The following WFDC6 variants were observed in gnomAD, a reference collection of about 807,000 sequenced individuals.
The protein encoded by WFDC6 is WAP four-disulfide core domain protein 6.
WFDC6 carries 10 observed loss-of-function variants against 8.2 expected under a neutral mutation model. That is an observed-to-expected ratio of 1.22 (90% CI 0.75 to 2.07). WFDC6 has a LOEUF of 2.07. Among genes scored for constraint, WFDC6 ranks in the 30% most tolerant of loss-of-function variants. WFDC6 has a pLI of 0.00. For synonymous variants in WFDC6, 28 were observed against 37.0 expected (o/e 0.76, Z 0.88); for missense variants, 105 against 104.9 (o/e 1.00, Z 0.00).
intron 2 of WFDC6, chr20:45,535,450 C>A: frequency 1.8e-6 from 2 of 1,129,762 alleles, no homozygotes; most frequent in Middle Eastern, 4.0e-4. Flanking sequence ...TGCCTCAGGG[C>A]TCTGTTCCCA....
At chr20:45,535,482 C>T (rs1467371035) in intron 2 of WFDC6, among the ~76,000 whole-genome samples, 1 of 152,130 alleles carries the variant, frequency 6.6e-6, no homozygotes, top group Admixed American at 6.5e-5. Context: ...ACCCTGACCA[C>T]TCATTTTACC....
rs1223533071 is a variant in WFDC6, at chr20:45,535,940, G to A, written c.223-1435C>T. On this transcript the variant is annotated intron_variant, in intron 2 of 2. Transcript: ENST00000372670. ...AATAGCACTTTCTTACACACCCCGT[G>A]CCTTTGCACATGCCTGACATATCCA... Among the ~76,000 whole-genome samples, 3 of 152,138 alleles carry A rather than the reference G, an allele frequency of 2.0e-5. No individual in the cohort carries two copies. In the East Asian group the frequency reaches 5.8e-4, roughly 29 times the overall value.
In WFDC6 at chr20:45,539,467, C is replaced by CTACATCTGCACT; in HGVS notation, c.-72_-61dup. The CTACATCTGCACT allele has an allele frequency of 6.6e-7, 1 of 1,509,360 alleles. No homozygotes were observed. Among genetic ancestry groups the CTACATCTGCACT allele is most frequent in the Non-Finnish European group, 9.2e-7 (1 of 1,085,878 alleles). The allele number at this position is 1,509,360 out of a possible 1,614,324, so 93.5% of individuals were successfully genotyped here. A position where few individuals can be genotyped will look rare whatever the true frequency, so the allele number is the denominator to read the frequency against. On this transcript the variant is annotated 5_prime_UTR_variant, in exon 1 of 3. It adds an upstream start codon to the 5' untranslated region. Transcript: ENST00000372670. ...ACTAAGAACTGCTCCTCAGCAGCTC[C>CTACATCTGCACT]TACATCTGCACTTTGCCTGCCCCGG... is the stretch of plus-strand genomic sequence containing the variant.
chr20:45,536,624 C>CCAG (rs927340082), intron 2 of WFDC6, among the ~76,000 whole-genome samples: 1 of 152,210 alleles, frequency 6.6e-6, no homozygotes, highest in Non-Finnish European at 1.5e-5. Flanking sequence ...AGATCCCTTA[C>CCAG]CAGCTCTCCT....
chr20:45,539,214 A>AGGTGGAGAAAATAATTTCTCCAG, intron 1 of WFDC6, 103 bp downstream of exon 1: 4 of 1,134,862 alleles, frequency 3.5e-6, no homozygotes, highest in Non-Finnish European at 5.2e-6. Flanking sequence ...AATTCCAGGC[A>AGGTGGAGAAAATAATTTCTCCAG]GAGGTGGAGA....
intron 2 of WFDC6, 103 bp from the exon 3 acceptor site, chr20:45,534,608 C>A: frequency 7.2e-7 from 1 of 1,393,692 alleles, no homozygotes; most frequent in Non-Finnish European, 1.0e-6. Flanking sequence ...ATTTTTACAT[C>A]TTTGGGCAGG....
In WFDC6 at chr20:45,534,229, G is replaced by A. The variant is rs906876251; in HGVS notation, c.*238C>T. The A allele has an allele frequency of 1.7e-6, 1 of 578,506 alleles. No homozygotes were observed. The highest frequency in any genetic ancestry group is 2.1e-5 in the South Asian group (1 of 48,618). The allele number at this position is 578,506 out of a possible 1,614,324, so 35.8% of individuals were successfully genotyped here. On this transcript the variant is annotated 3_prime_UTR_variant, in exon 3 of 3. Coordinates refer to ENST00000372670, the MANE Select transcript of WFDC6 (RefSeq NM_080827.2). ...CACAGAGCACTTTATTAAGGCAACTGAAGCCTTCATACAAATAAATGGGGG... is the reference window on the plus strand; with the variant it reads ...CACAGAGCACTTTATTAAGGCAACTAAAGCCTTCATACAAATAAATGGGGG...
At chr20:45,536,011 T>C (rs2145542048) in intron 2 of WFDC6, among the ~76,000 whole-genome samples, 1 of 152,372 alleles carries the variant, frequency 6.6e-6, no homozygotes, top group South Asian at 2.1e-4. Flanking sequence ...TAAAACCCTT[T>C]CCGGACATTG....
chr20:45,535,191 C>T (rs1979317108), intron 2 of WFDC6: 2 of 1,304,070 alleles, frequency 1.5e-6, no homozygotes, highest in African/African-American at 3.0e-5. Context: ...AGACAGATAG[C>T]TTCAGTTTGG....
At chr20:45,537,679 G>A (rs942900799) in intron 2 of WFDC6, 2 of 1,164,416 alleles carry the variant, frequency 1.7e-6, no homozygotes, top group Non-Finnish European at 2.5e-6. Flanking sequence ...CTGAAGAGTA[G>A]CCAAGAGACC....
chr20:45,535,726 AG>A, intron 2 of WFDC6, among the ~76,000 whole-genome samples: 1 of 152,302 alleles, frequency 6.6e-6, no homozygotes, highest in Middle Eastern at 3.4e-3. Context: ...ACTCCATGAA[AG>A]GCCACCAGCT....
chr20:45,538,752 A>G (rs1979470780), intron 1 of WFDC6, among the ~76,000 whole-genome samples: 1 of 152,204 alleles, frequency 6.6e-6, no homozygotes, highest in South Asian at 2.1e-4. Context: ...GAATTTGCCC[A>G]AGATCACACA....
At chr20:45,537,421 G>A in intron 2 of WFDC6, 1 of 1,093,940 alleles carries the variant, frequency 9.1e-7, no homozygotes, top group African/African-American at 1.6e-5. Context: ...AATATTTGTT[G>A]AATGAATAGA....
intron 2 of WFDC6, chr20:45,537,412 A>G (rs1235489448): frequency 1.9e-6 from 2 of 1,044,696 alleles, no homozygotes; most frequent in Admixed American, 2.0e-5. Context: ...GCACCAATCA[A>G]TATTTGTTGA....
At chr20:45,537,683 A>G in intron 2 of WFDC6, 2 of 1,160,442 alleles carry the variant, frequency 1.7e-6, no homozygotes, top group Middle Eastern at 2.4e-4. Flanking sequence ...AGAGTAGCCA[A>G]GAGACCATGT....
intron 1 of WFDC6, among the ~76,000 whole-genome samples, chr20:45,538,696 T>C (rs1229418002): frequency 6.6e-6 from 1 of 152,188 alleles, no homozygotes; most frequent in Non-Finnish European, 1.5e-5. Flanking sequence ...ACTCTTAATA[T>C]TCACATTTTG....
At position 45,535,310 on chromosome 20, in the gene WFDC6, C is replaced by T. The variant is rs1480277289; in HGVS notation, c.223-805G>A. 7 of 1,303,728 alleles carry T rather than the reference C, an allele frequency of 5.4e-6. No individual in the cohort carries two copies. In the East Asian group the frequency reaches 3.9e-4, roughly 72 times the overall value. The allele number at this position is 1,303,728 out of a possible 1,614,324, so 80.8% of individuals were successfully genotyped here. On this transcript the variant is annotated intron_variant, in intron 2 of 2. Transcript: ENST00000372670. Reference sequence around the variant, plus strand: ...TGGAGGCCAGGCAGGGGCCAGCCTCCTGTGGCATACTGCATATATCTGCAG... The same window carrying T: ...TGGAGGCCAGGCAGGGGCCAGCCTCTTGTGGCATACTGCATATATCTGCAG...
Position 45,537,486 on chromosome 20 carries a change from A to T in WFDC6, c.222+478T>A, listed in dbSNP as rs775515880. On this transcript the variant is annotated intron_variant, in intron 2 of 2. Transcript: ENST00000372670. ...TAGAGCTCAATAATATGGGCAGAGAAGAAAGAGTGTAGGCGGTCTAAGGTG... is the reference window on the plus strand; with the variant it reads ...TAGAGCTCAATAATATGGGCAGAGATGAAAGAGTGTAGGCGGTCTAAGGTG... 6.4e-5 allele frequency: 97 copies of T among 1,517,970 alleles called. No individual in the cohort carries two copies. The Admixed American group carries it at 9.6e-4, about 15-fold the overall frequency. The allele number at this position is 1,517,970 out of a possible 1,614,324, so 94.0% of individuals were successfully genotyped here.
rs779708595 is a variant in WFDC6, at chr20:45,538,086, G to A, written c.100C>T (p.Pro34Ser). 3.4e-5 allele frequency: 55 copies of A among 1,613,782 alleles called. No homozygotes were observed. Among genetic ancestry groups the A allele is most frequent in the Non-Finnish European group, 4.1e-5 (48 of 1,179,874 alleles). ...HAEGILGKPC[P>S]KIKVECEVEE... ...ACTTCGCATTCCACTTTGATTTTGG[G>A]ACACGGCTCTAAGGGAGGGGAAGAT... is the stretch of plus-strand genomic sequence containing the variant. The change falls in exon 2 of 3, where the codon CCC becomes TCC. Residue 34 changes from proline to serine, a missense_variant. Pro to Ser is a moderately conservative substitution (Grantham distance 74). Coordinates refer to ENST00000372670, the MANE Select transcript of WFDC6 (RefSeq NM_080827.2).
Sources: gnomAD v4.1 joint callset for allele counts (sites outside exome capture counted in the v4.1 genomes callset) on GRCh38, gnomAD v4.1.1 for gene constraint, MANE v1.5 for transcripts, NCBI Gene and HGNC (gene_info 2026-07-23, HGNC 2026-07-21) for gene names.